Variants in PRSS12 observed in about 807,000 individuals in gnomAD.
The protein encoded by PRSS12 is neurotrypsin.
PRSS12 carries 85 observed loss-of-function variants against 104.4 expected under a neutral mutation model. The ratio of observed to expected loss-of-function variants is 0.81; its 90% CI spans 0.68 to 0.98. The LOEUF (loss-of-function observed/expected upper bound fraction) is 0.98. Ranked by LOEUF, PRSS12 falls within the 50% of genes least tolerant of loss-of-function variation. The pLI is 0.00. For missense variants in PRSS12, 1,141 were observed against 1,139.2 expected (o/e 1.00, Z -0.02); for synonymous variants, 454 against 425.2 (o/e 1.07, Z -0.83).
intron 6 of PRSS12, 41 bp downstream of exon 6, chr4:118,316,141 T>C (rs745855771): frequency 5.6e-6 from 9 of 1,607,548 alleles, no homozygotes. Flanking sequence ...TTTAACAATA[T>C]AATCTGGCAT....
At position 118,352,644 on chromosome 4, in the gene PRSS12, T is replaced by C. The variant is rs749475601; in HGVS notation, c.77A>G (p.Asn26Ser). 1.9e-6 allele frequency: 3 copies of C among 1,613,050 alleles called. No individual in the cohort carries two copies. Among genetic ancestry groups the C allele is most frequent in the Admixed American group, 1.7e-5 (1 of 60,004 alleles). The change falls in exon 1 of 13, where the codon AAT becomes AGT. Residue 26 changes from asparagine to serine, a missense_variant. By Grantham distance (46) the Asn-to-Ser change is conservative (BLOSUM62 1). Transcript: ENST00000296498. The part of the protein sequence containing the change: ...PEVVGFDSVL[N>S]DSLHHSHRHS... ...GCGGTGGCTGTGGTGGAGGGAATCATTGAGGACAGAATCAAAGCCGACCAC... is the reference window on the plus strand; with the variant it reads ...GCGGTGGCTGTGGTGGAGGGAATCACTGAGGACAGAATCAAAGCCGACCAC...
intron 8 of PRSS12, among the ~76,000 whole-genome samples, chr4:118,302,154 C>A (rs988254877): frequency 6.6e-6 from 1 of 152,136 alleles, no homozygotes; most frequent in African/African-American, 2.4e-5. Flanking sequence ...GGGTGACACA[C>A]TGAATTACAT....
intron 11 of PRSS12, among the ~76,000 whole-genome samples, chr4:118,286,057 T>C (rs1236996005): frequency 2.6e-5 from 4 of 152,210 alleles, no homozygotes; most frequent in Non-Finnish European, 5.9e-5. Flanking sequence ...CCCTGGGCAA[T>C]CTTGCCTTAA....
intron 11 of PRSS12, among the ~76,000 whole-genome samples, chr4:118,286,397 C>G (rs536520546): frequency 3.7e-4 from 57 of 152,234 alleles, no homozygotes; most frequent in African/African-American, 1.0e-3. Context: ...TTCTCTCATC[C>G]CCTCTATCCT....
intron 2 of PRSS12, 123 bp from the exon 3 acceptor site, chr4:118,335,774 AAAG>A: frequency 1.1e-6 from 1 of 934,956 alleles, no homozygotes; most frequent in South Asian, 1.4e-5. Flanking sequence ...ACAAAGAAAG[AAAG>A]AAGAAAAACA....
At chr4:118,287,081 G>C (rs1743030635) in intron 11 of PRSS12, among the ~76,000 whole-genome samples, 1 of 152,124 alleles carries the variant, frequency 6.6e-6, no homozygotes, top group Non-Finnish European at 1.5e-5. Flanking sequence ...AAGGCGAACA[G>C]TACCATTCTT....
At chr4:118,331,617 T>C in intron 4 of PRSS12, 99 bp downstream of exon 4, 1 of 1,496,666 alleles carries the variant, frequency 6.7e-7, no homozygotes, top group Non-Finnish European at 9.2e-7. Context: ...GTCCCATTTG[T>C]TCAAGGAAAT....
At chr4:118,298,966 G>A in intron 8 of PRSS12, 28 bp from the exon 9 acceptor site, 1 of 1,604,776 alleles carries the variant, frequency 6.2e-7, no homozygotes, top group Non-Finnish European at 8.5e-7. Flanking sequence ...TTAATCATGT[G>A]AAGAATCAGT....
chr4:118,290,115 C>T lies in PRSS12; in HGVS notation c.2039+4824G>A, dbSNP rs561688524. On this transcript the variant is annotated intron_variant, in intron 11 of 12. Transcript: ENST00000296498. ...TATGTGCCAAGTCATACAGTAGACA[C>T]TTGGTGTATAAACACAAATGAGAAA... Among the ~76,000 whole-genome samples, 6 of 152,248 alleles carry T rather than the reference C, an allele frequency of 3.9e-5. No homozygotes were observed. The East Asian group carries it at 7.7e-4, about 20-fold the overall frequency.
intron 4 of PRSS12, among the ~76,000 whole-genome samples, chr4:118,325,018 T>TCATG (rs1414998698): frequency 6.6e-6 from 1 of 152,110 alleles, no homozygotes; most frequent in Admixed American, 6.5e-5. Flanking sequence ...TCATTCTTTT[T>TCATG]CATGGCTACA....
At chr4:118,342,728 G>T (rs566949858) in intron 1 of PRSS12, among the ~76,000 whole-genome samples, 14 of 152,266 alleles carry the variant, frequency 9.2e-5, no homozygotes, top group Non-Finnish European at 1.9e-4. Context: ...CTGTCTGCTG[G>T]TGTTATAACT....
At chr4:118,282,372 T>G (rs1415360978) in intron 12 of PRSS12, 129 bp from the exon 13 acceptor site, 1 of 1,201,746 alleles carries the variant, frequency 8.3e-7, no homozygotes, top group Non-Finnish European at 1.2e-6. Context: ...AAATGAGCAA[T>G]GACTAACTGG....
At position 118,352,627 on chromosome 4, in the gene PRSS12, TGTG is replaced by T; in HGVS notation, c.91_93del (p.His31del). ...CCCGCAGGGGGCGAATGGCGGTGGC[TGTG>T]GTGGAGGGAATCATTGAGGACAGAA... On this transcript the variant is annotated inframe_deletion, in exon 1 of 13. Transcript: ENST00000296498. 1 of 1,612,214 alleles carries T rather than the reference TGTG, an allele frequency of 6.2e-7. No individual in the cohort carries two copies. Among genetic ancestry groups the T allele is most frequent in the Non-Finnish European group, 8.5e-7 (1 of 1,179,310 alleles).
intron 8 of PRSS12, among the ~76,000 whole-genome samples, chr4:118,305,387 T>C (rs960467255): frequency 1.7e-4 from 26 of 152,128 alleles, no homozygotes; most frequent in Admixed American, 1.4e-3. Context: ...GATTGATAAG[T>C]ATTACAGAAA....
In PRSS12 at chr4:118,352,827, C is replaced by G; in HGVS notation, c.-107G>C. The G allele has an allele frequency of 3.3e-6, 5 of 1,502,062 alleles. No individual in the cohort carries two copies. The highest frequency in any genetic ancestry group is 4.4e-6 in the Non-Finnish European group (5 of 1,127,268). 93.0% of individuals were successfully genotyped at this position (1,502,062 alleles called of 1,614,324 possible). On this transcript the variant is annotated 5_prime_UTR_variant, in exon 1 of 13. Transcript: ENST00000296498. ...CTGCCGCGTCCCTCGAATCCCCCAG[C>G]CCCCTCCCGCCCCCGCACGCGGACC...
chr4:118,351,338 G>C (rs1298284993), intron 1 of PRSS12, among the ~76,000 whole-genome samples: 1 of 149,688 alleles, frequency 6.7e-6, no homozygotes, highest in Admixed American at 6.6e-5. Flanking sequence ...TTCTTCCTCA[G>C]TTTTTAAACA....
intron 11 of PRSS12, 33 bp downstream of exon 11, chr4:118,294,906 T>C: frequency 6.2e-7 from 1 of 1,613,322 alleles, no homozygotes; most frequent in Non-Finnish European, 8.5e-7. Context: ...GAATAGAAGC[T>C]ACACTAGGTT....
intron 4 of PRSS12, among the ~76,000 whole-genome samples, chr4:118,328,650 G>A (rs553849887): frequency 1.3e-5 from 2 of 152,160 alleles, no homozygotes; most frequent in African/African-American, 2.4e-5. Flanking sequence ...TAGAAAGAGA[G>A]TCTTGCTGTC....
intron 7 of PRSS12, among the ~76,000 whole-genome samples, 172 bp from the exon 8 acceptor site, chr4:118,308,749 G>A (rs1743625148): frequency 6.6e-6 from 1 of 152,300 alleles, no homozygotes; most frequent in African/African-American, 2.4e-5. Flanking sequence ...ACTTTTGTAT[G>A]TCTCTTGCAG....
Sources: allele counts gnomAD v4.1 joint callset (sites outside exome capture counted in the v4.1 genomes callset), GRCh38; gene constraint gnomAD v4.1.1; transcripts MANE v1.5; gene names NCBI Gene and HGNC (gene_info 2026-07-23, HGNC 2026-07-21).